The following DDX43 variants were observed in gnomAD, a reference collection of about 807,000 sequenced individuals.
DDX43 encodes the protein DEAD-box helicase 43.
A neutral mutation model predicts 84.9 loss-of-function variants in DDX43; 50 were observed. That is an observed-to-expected ratio of 0.59 (90% CI 0.47 to 0.75). The LOEUF (loss-of-function observed/expected upper bound fraction) is 0.75. DDX43 is among the 30% of genes least tolerant of loss of function. The pLI is 0.00. For synonymous variants in DDX43, 291 were observed against 266.3 expected (o/e 1.09, Z -0.90); for missense variants, 689 against 798.6 (o/e 0.86, Z 1.65).
rs1159730177 is a variant in DDX43, at chr6:73,400,282, G to A, written c.355G>A (p.Ala119Thr). Residue 119 changes from alanine to threonine, a missense_variant, in exon 3 of 17, where the codon GCA becomes ACA. Coordinates refer to ENST00000370336, the MANE Select transcript of DDX43 (RefSeq NM_018665.3). ...ATTAGTCAAAATTTTTGGCAGCAAG[G>A]CAATGCAAACGAAAGCAAAAGCAGT... ...ESLVKIFGSK[A>T]MQTKAKAVID... 1.2e-6 allele frequency: 2 copies of A among 1,608,054 alleles called. No individual in the cohort carries two copies. Among genetic ancestry groups the A allele is most frequent in the East Asian group, 2.3e-5 (1 of 44,418 alleles).
chr6:73,409,246 A>G lies in DDX43; in HGVS notation c.1180-2A>G. On this transcript the variant is annotated splice_acceptor_variant, in intron 9 of 16. Coordinates refer to ENST00000370336, the MANE Select transcript of DDX43 (RefSeq NM_018665.3). LOFTEE classifies it high-confidence loss of function. ...TAACCACATTCTTTTTTGTCAATGCAGGTTTTAGATGAAGCAGACAAGATG... is the reference window on the plus strand; with the variant it reads ...TAACCACATTCTTTTTTGTCAATGCGGGTTTTAGATGAAGCAGACAAGATG... The G allele has an allele frequency of 1.2e-6, 2 of 1,612,974 alleles. No homozygotes were observed. Among genetic ancestry groups the G allele is most frequent in the Non-Finnish European group, 8.5e-7 (1 of 1,179,128 alleles).
Position 73,401,985 on chromosome 6 carries a change from G to C in DDX43, c.563G>C (p.Trp188Ser). The change falls in exon 4 of 17, where the codon TGG becomes TCG. Residue 188 changes from tryptophan (W) to serine (S), a missense_variant. By Grantham distance (177) the Trp-to-Ser change is radical. This residue lies in a region of DDX43 where 552 missense variants were observed against 692.7 expected (regional missense o/e 0.80). Transcript: ENST00000370336. Reference protein sequence around the residue: ...EEGLKWQKTKWADLPPIKKNF... With the variant: ...EEGLKWQKTKSADLPPIKKNF... ...GGTTTGAAATGGCAAAAAACAAAGTGGGCAGGTCAGTGCTGCTTCCTAATA... is the reference window on the plus strand; with the variant it reads ...GGTTTGAAATGGCAAAAAACAAAGTCGGCAGGTCAGTGCTGCTTCCTAATA... The C allele has an allele frequency of 6.2e-7, 1 of 1,613,878 alleles. No individual in the cohort carries two copies. Among genetic ancestry groups the C allele is most frequent in the African/African-American group, 1.3e-5 (1 of 75,008 alleles).
At chr6:73,408,616 G>A (rs374795197) in intron 9 of DDX43, among the ~76,000 whole-genome samples, 5 of 151,530 alleles carry the variant, frequency 3.3e-5, no homozygotes, top group African/African-American at 4.8e-5. Flanking sequence ...GAGTGCTGTC[G>A]CATGATCTTG....
chr6:73,402,558 G>A (rs1467047339), intron 4 of DDX43, among the ~76,000 whole-genome samples: 3 of 151,814 alleles, frequency 2.0e-5, no homozygotes, highest in African/African-American at 4.8e-5. Context: ...CAGATGTCAG[G>A]CACTGTGCCC....
chr6:73,400,262 T>C lies in DDX43; in HGVS notation c.335T>C (p.Val112Ala). 1 of 1,605,972 alleles carries C rather than the reference T, an allele frequency of 6.2e-7. No homozygotes were observed. The highest frequency in any genetic ancestry group is 8.5e-7 in the Non-Finnish European group (1 of 1,177,086). The change falls in exon 3 of 17, where the codon GTC becomes GCC. Residue 112 changes from valine to alanine, a missense_variant. Physicochemically the swap from Val to Ala is moderately conservative, Grantham distance 64. Coordinates refer to ENST00000370336, the MANE Select transcript of DDX43 (RefSeq NM_018665.3). ...QIIQEQPESL[V>A]KIFGSKAMQT... is the part of the protein sequence containing the mutation. ...ATACAAGAACAACCAGAATCATTAG[T>C]CAAAATTTTTGGCAGCAAGGCAATG...
intron 15 of DDX43, 48 bp from the exon 16 acceptor site, chr6:73,416,065 G>A (rs1216732508): frequency 3.0e-6 from 3 of 995,628 alleles, no homozygotes; most frequent in Non-Finnish European, 4.8e-6. Context: ...TTTTAGTGTT[G>A]TAGAAAAGAA....
chr6:73,400,457 G>T, intron 3 of DDX43, 94 bp downstream of exon 3: 1 of 1,148,290 alleles, frequency 8.7e-7, no homozygotes. Flanking sequence ...CTGATTCAAA[G>T]CATTAGGCTG....
rs74406175 is a variant in DDX43, at chr6:73,401,947, A to T, written c.525A>T (p.Gln175His). 16 of 1,614,042 alleles carry T rather than the reference A, an allele frequency of 9.9e-6. No homozygotes were observed. The highest frequency in any genetic ancestry group is 1.7e-5 in the Admixed American group (1 of 59,996). Residue 175 changes from glutamine to histidine, a missense_variant, in exon 4 of 17, where the codon CAA (glutamine) becomes CAT (histidine). Physicochemically the swap from Gln to His is conservative, Grantham distance 24. Around this residue, in one of 2 missense-constraint regions of DDX43, gnomAD observed 552 missense variants for 692.7 expected, o/e 0.80. Coordinates refer to ENST00000370336, the MANE Select transcript of DDX43 (RefSeq NM_018665.3). ...ATCGGCCATTGATAGATTGGGATCA[A>T]ATTAGAGAGGAAGGTTTGAAATGGC... Reference protein sequence around the residue: ...AGDRPLIDWDQIREEGLKWQK... With the variant: ...AGDRPLIDWDHIREEGLKWQK...
At chr6:73,395,658 T>G (rs1216898911) in intron 1 of DDX43, among the ~76,000 whole-genome samples, 1 of 151,562 alleles carries the variant, frequency 6.6e-6, no homozygotes, top group Non-Finnish European at 1.5e-5. Flanking sequence ...CCTTTTGGTG[T>G]TTATACAGAC....
chr6:73,407,793 C>T (rs1489650990), intron 8 of DDX43, among the ~76,000 whole-genome samples, 167 bp from the exon 9 acceptor site: 1 of 152,130 alleles, frequency 6.6e-6, no homozygotes, highest in Non-Finnish European at 1.5e-5. Context: ...ACAAATATTG[C>T]TCTTTAGGAT....
chr6:73,407,662 C>A (rs773371242), intron 8 of DDX43, 47 bp downstream of exon 8: 2 of 1,285,866 alleles, frequency 1.6e-6, no homozygotes, highest in South Asian at 2.5e-5. Flanking sequence ...ATATTTTAAT[C>A]ATTTGTAGCT....
Position 73,407,965 on chromosome 6 carries a change from G to T in DDX43, c.1043G>T (p.Cys348Phe), listed in dbSNP as rs780401899. 9 of 1,611,972 alleles carry T rather than the reference G, an allele frequency of 5.6e-6. No homozygotes were observed. The highest frequency in any genetic ancestry group is 2.5e-6 in the Non-Finnish European group (3 of 1,178,974). Residue 348 changes from cysteine to phenylalanine, a missense_variant, in exon 9 of 17, where the codon TGT becomes TTT. Physicochemically the swap from Cys to Phe is radical, Grantham distance 205 (BLOSUM62 -2). This residue lies in a region of DDX43 where 552 missense variants were observed against 692.7 expected (regional missense o/e 0.80). Coordinates refer to ENST00000370336, the MANE Select transcript of DDX43 (RefSeq NM_018665.3). Reference protein sequence around the residue: ...KYSYKGLRSVCVYGGGNRDEQ... With the variant: ...KYSYKGLRSVFVYGGGNRDEQ... ...TTAGATTTTTTCTTTTTAAGTGTTT[G>T]TGTATATGGTGGTGGAAATAGAGAT...
intron 11 of DDX43, among the ~76,000 whole-genome samples, chr6:73,413,117 G>A (rs777273922): frequency 1.4e-4 from 21 of 152,160 alleles, no homozygotes; most frequent in African/African-American, 2.2e-4. Flanking sequence ...ATAAATATAA[G>A]TCTGTTCCCT....
intron 10 of DDX43, among the ~76,000 whole-genome samples, chr6:73,411,333 CTTT>C (rs55782182): frequency 7.1e-6 from 1 of 141,194 alleles, no homozygotes; most frequent in Non-Finnish European, 1.6e-5. Flanking sequence ...TCTTTTCTTT[CTTT>C]TTTTTTTTTT....
intron 10 of DDX43, among the ~76,000 whole-genome samples, chr6:73,411,333 CTTTTTTTTTTT>C (rs55782182): frequency 7.1e-6 from 1 of 141,202 alleles, no homozygotes; most frequent in African/African-American, 2.6e-5. Context: ...TCTTTTCTTT[CTTTTTTTTTTT>C]TTGAGACAGA....
chr6:73,414,594 T>C lies in DDX43; in HGVS notation c.1653T>C (p.Leu551=), dbSNP rs1562286790. The stretch of plus-strand genomic sequence containing the variant: ...CAACTGATCTAGCCTCTAGAGGACT[T>C]GATGTCCATGACGTTACACATGTCT... The part of the protein sequence containing the change: ...LIATDLASRG[L]DVHDVTHVYN... The change falls in exon 14 of 17, where the codon CTT becomes CTC. Residue 551 remains leucine, a synonymous_variant. Transcript: ENST00000370336. The C allele has an allele frequency of 1.9e-6, 3 of 1,613,248 alleles. No individual in the cohort carries two copies. Among genetic ancestry groups the C allele is most frequent in the Non-Finnish European group, 2.5e-6 (3 of 1,179,392 alleles).
rs780045703 is a variant in DDX43 at position 73,413,776 on chromosome 6, G to A, written c.1487G>A (p.Arg496Gln). The change falls in exon 12 of 17, where the codon CGA (arginine) becomes CAA (glutamine). Residue 496 changes from arginine to glutamine, a missense_variant. By Grantham distance (43) the Arg-to-Gln change is conservative. Transcript: ENST00000370336. Reference protein sequence around the residue: ...STDKVIVFVSRKAVADHLSSD... With the variant: ...STDKVIVFVSQKAVADHLSSD... Reference sequence around the variant, plus strand: ...GACAAAGTCATTGTCTTCGTTTCTCGAAAAGCTGTGTAGGTATTTTTTCTT... The same window carrying A: ...GACAAAGTCATTGTCTTCGTTTCTCAAAAAGCTGTGTAGGTATTTTTTCTT... 11 of 1,612,562 alleles carry A rather than the reference G, an allele frequency of 6.8e-6. No individual in the cohort carries two copies. Among genetic ancestry groups the A allele is most frequent in the South Asian group, 3.3e-5 (3 of 90,586 alleles).
intron 6 of DDX43, 94 bp from the exon 7 acceptor site, chr6:73,406,270 C>A: frequency 1.2e-6 from 1 of 804,972 alleles, no homozygotes; most frequent in Non-Finnish European, 2.0e-6. Flanking sequence ...GATCTGCCCG[C>A]CTCGGCCTCC....
intron 7 of DDX43, 40 bp downstream of exon 7, chr6:73,406,522 A>G (rs763307535): frequency 7.7e-7 from 1 of 1,290,546 alleles, no homozygotes; most frequent in South Asian, 1.2e-5. Context: ...ATAGAGGTTT[A>G]ATAGATTTAG....
Sources: gnomAD v4.1 joint callset for allele counts (sites outside exome capture counted in the v4.1 genomes callset) on GRCh38, gnomAD v4.1.1 for gene constraint, gnomAD v4.1.1 regional missense constraint, MANE v1.5 for transcripts, NCBI Gene and HGNC (gene_info 2026-07-23, HGNC 2026-07-21) for gene names.